Variants in DENND4A observed in about 807,000 individuals in gnomAD.
DENND4A encodes DENN domain containing 4A.
In DENND4A, 70 loss-of-function variants were observed where a neutral mutation model predicts 199.3. The observed-to-expected ratio is 0.35, with a 90% CI of 0.29 to 0.43. The LOEUF (loss-of-function observed/expected upper bound fraction) is 0.43, where lower values mean the gene tolerates loss of function less well. Among genes scored for constraint, DENND4A ranks in the 20% least tolerant of loss-of-function variants. The pLI is 1.00. For missense variants in DENND4A, 1,723 were observed against 2,255.8 expected, an observed-to-expected ratio of 0.76 and a Z score of 4.78; for synonymous variants, 686 against 766.9, an observed-to-expected ratio of 0.89 and a Z score of 1.74.
intron 23 of DENND4A, among the ~76,000 whole-genome samples, chr15:65,682,390 C>T (rs1411167945): frequency 6.6e-6 from 1 of 152,194 alleles, no homozygotes; most frequent in African/African-American, 2.4e-5. Context: ...TTTCTTTAAA[C>T]CTCATGAGCC....
chr15:65,677,305 G>T (rs1423011218), intron 23 of DENND4A, among the ~76,000 whole-genome samples: 1 of 152,120 alleles, frequency 6.6e-6, no homozygotes, highest in Non-Finnish European at 1.5e-5. Context: ...TGCCTCCCAG[G>T]CTCAAGCAAT....
chr15:65,778,313 C>T (rs1341409353), intron 1 of DENND4A, among the ~76,000 whole-genome samples: 1 of 152,020 alleles, frequency 6.6e-6, no homozygotes, highest in Non-Finnish European at 1.5e-5. Context: ...TTTTTCTTCT[C>T]TGGTGATAAC....
chr15:65,711,712 T>G (rs896843431), intron 14 of DENND4A, among the ~76,000 whole-genome samples: 3 of 152,240 alleles, frequency 2.0e-5, no homozygotes, highest in African/African-American at 7.2e-5. Flanking sequence ...TCATTAAACT[T>G]TGTACATCAA....
chr15:65,764,993 T>G (rs976510343), intron 1 of DENND4A, among the ~76,000 whole-genome samples: 2 of 142,300 alleles, frequency 1.4e-5, no homozygotes, highest in African/African-American at 2.6e-5. Flanking sequence ...AAAAAAAAAG[T>G]AACATTTTCT....
At chr15:65,664,760 C>G in intron 30 of DENND4A, 38 bp from the exon 31 acceptor site, 1 of 1,566,418 alleles carries the variant, frequency 6.4e-7, no homozygotes, top group Non-Finnish European at 8.7e-7. Flanking sequence ...GGAAAATGTT[C>G]TGTGTAGAAA....
At chr15:65,694,449 C>CAAA (rs34568814) in intron 22 of DENND4A, among the ~76,000 whole-genome samples, 3 of 130,380 alleles carry the variant, frequency 2.3e-5, no homozygotes, top group Non-Finnish European at 5.1e-5. Context: ...ACTCTGTCTC[C>CAAA]AAAAAAAAAA....
Position 65,719,863 on chromosome 15 carries a change from C to G in DENND4A, c.1589-1867G>C, listed in dbSNP as rs145343056. On this transcript the variant is annotated intron_variant, in intron 12 of 32. Transcript: ENST00000443035. ...TAAACCGTGATCGCGCCACTGCACTCCAGCCTGGGTGACACAGTGAGACAC... is the reference window on the plus strand; with the variant it reads ...TAAACCGTGATCGCGCCACTGCACTGCAGCCTGGGTGACACAGTGAGACAC... 2.6e-5 allele frequency among the ~76,000 whole-genome samples: 4 copies of G among 152,090 alleles called. No individual in the cohort carries two copies. The East Asian group carries it at 7.7e-4, about 29-fold the overall frequency.
Position 65,722,858 on chromosome 15 carries a change from T to C in DENND4A, c.1578A>G (p.Gln526=), listed in dbSNP as rs368596043. The C allele has an allele frequency of 1.3e-5, 21 of 1,597,922 alleles. No homozygotes were observed. Among genetic ancestry groups the C allele is most frequent in the African/African-American group, 4.0e-5 (3 of 74,152 alleles). ...LMNTLNNLHQ[Q]LAKLQQRPRD... is the part of the protein sequence containing the mutation. ...AAGTTATCCACTTACATTTTGCCAA[T>C]TGCTGATGCAAATTATTCAGTGTGT... The change falls in exon 12 of 33, where the codon CAA becomes CAG. Residue 526 remains glutamine (Q), a synonymous_variant. Transcript: ENST00000443035.
In DENND4A at chr15:65,737,963, T is replaced by A. The variant is rs781670556; in HGVS notation, c.802-18A>T. On this transcript the variant is annotated intron_variant, in intron 6 of 32. Coordinates refer to ENST00000443035, the MANE Select transcript of DENND4A (RefSeq NM_001320835.1). ...CCATAAACCTGCAAAACAAGTAATA[T>A]ATCCAGTAAATATACTTTGTATCAT... The A allele has an allele frequency of 6.4e-7, 1 of 1,552,098 alleles. No homozygotes were observed. The highest frequency in any genetic ancestry group is 8.7e-7 in the Non-Finnish European group (1 of 1,146,564).
At chr15:65,718,760 CT>C (rs1038227560) in intron 12 of DENND4A, among the ~76,000 whole-genome samples, 1,215 of 67,770 alleles carry the variant, frequency 0.018, 4 homozygotes, top group East Asian at 0.076. Flanking sequence ...GTTTTTTTTC[CT>C]TTTTTTTTTT....
At chr15:65,691,650 A>C in intron 22 of DENND4A, 139 bp from the exon 23 acceptor site, 1 of 870,098 alleles carries the variant, frequency 1.1e-6, no homozygotes. Flanking sequence ...ATACTATACT[A>C]AACACTTTAC....
chr15:65,676,010 A>C (rs1412060197), intron 24 of DENND4A, among the ~76,000 whole-genome samples: 1 of 151,872 alleles, frequency 6.6e-6, no homozygotes, highest in East Asian at 1.9e-4. Context: ...AGCTGAAAAA[A>C]TGAATGGGGA....
intron 4 of DENND4A, among the ~76,000 whole-genome samples, chr15:65,746,430 A>T (rs1263969339): frequency 8.9e-6 from 1 of 112,306 alleles, no homozygotes; most frequent in African/African-American, 3.5e-5. Flanking sequence ...TCTGTCACGC[A>T]GACTGTAGTG....
chr15:65,672,228 G>C (rs1343145049), intron 24 of DENND4A, among the ~76,000 whole-genome samples: 2 of 152,038 alleles, frequency 1.3e-5, no homozygotes, highest in African/African-American at 4.8e-5. Context: ...TTAAAATACA[G>C]GAAAGTATTT....
chr15:65,754,917 A>G (rs965047008), intron 3 of DENND4A, among the ~76,000 whole-genome samples: 1 of 152,232 alleles, frequency 6.6e-6, no homozygotes, highest in East Asian at 1.9e-4. Context: ...ATATACAAAT[A>G]AAAAATGAAA....
rs762500638 is a variant in DENND4A, at chr15:65,667,630, A to G, written c.5060T>C (p.Val1687Ala). The change falls in exon 29 of 33, where the codon GTA becomes GCA. Residue 1687 changes from valine to alanine, a missense_variant. By Grantham distance (64) the Val-to-Ala change is moderately conservative. Transcript: ENST00000443035. ...CAATAAGCTTTCAAGTTCTTTCCAT[A>G]CCACTAAAGGACTAAGATACGGAAC... ...VTVPYLSPLV[V>A]WKELESLLEN... is the part of the protein sequence containing the mutation. The G allele has an allele frequency of 6.2e-7, 1 of 1,613,956 alleles. No individual in the cohort carries two copies. Among genetic ancestry groups the G allele is most frequent in the Non-Finnish European group, 8.5e-7 (1 of 1,179,852 alleles).
chr15:65,702,768 C>A, intron 16 of DENND4A, 105 bp downstream of exon 16: 1 of 1,133,292 alleles, frequency 8.8e-7, no homozygotes, highest in Admixed American at 2.3e-5. Context: ...ACATAATAAT[C>A]TAGTAATAGT....
chr15:65,738,556 C>T, intron 6 of DENND4A, 150 bp downstream of exon 6: 1 of 603,232 alleles, frequency 1.7e-6, no homozygotes, highest in Non-Finnish European at 2.6e-6. Context: ...TTCTCTTTTC[C>T]TATGTCCCTG....
chr15:65,664,815 G>A, intron 30 of DENND4A, 93 bp from the exon 31 acceptor site: 3 of 1,114,474 alleles, frequency 2.7e-6, no homozygotes, highest in Admixed American at 3.1e-5. Context: ...AAGTTACAAA[G>A]CACTAAAAAT....
Sources: allele counts gnomAD v4.1 joint callset (sites outside exome capture counted in the v4.1 genomes callset), GRCh38; gene constraint gnomAD v4.1.1; transcripts MANE v1.5; gene names NCBI Gene and HGNC (gene_info 2026-07-23, HGNC 2026-07-21).